Variants in CEP20 observed in about 807,000 individuals in gnomAD.
CEP20 encodes the protein FGFR1OP N-terminal like.
Under a neutral mutation model 20.0 loss-of-function variants are expected in CEP20, and 18 were observed. The observed-to-expected ratio is 0.90, with a 90% confidence interval of 0.62 to 1.34. CEP20 has a LOEUF of 1.34. Ranked by LOEUF, CEP20 falls within the 40% of genes most tolerant of loss-of-function variation. The pLI, the probability that CEP20 is intolerant of heterozygous loss-of-function variation, is 0.00. For missense variants in CEP20, 215 were observed against 201.6 expected (o/e 1.07, Z -0.40); for synonymous variants, 77 against 73.7 (o/e 1.04, Z -0.23).
At chr16:15,868,751 T>C (rs1255293939) in intron 4 of CEP20, among the ~76,000 whole-genome samples, 1 of 152,036 alleles carries the variant, frequency 6.6e-6, no homozygotes, top group East Asian at 1.9e-4. Flanking sequence ...TTTAGGTAAC[T>C]TTGCTGGACA....
chr16:15,881,506 TCA>T (rs1344706615), intron 2 of CEP20, among the ~76,000 whole-genome samples: 2 of 152,134 alleles, frequency 1.3e-5, no homozygotes, highest in African/African-American at 2.4e-5. Flanking sequence ...AATTCTAACT[TCA>T]CAAAGAATTC....
intron 3 of CEP20, among the ~76,000 whole-genome samples, chr16:15,874,629 CTTTATT>C (rs55972044): frequency 0.069 from 10,505 of 152,098 alleles, 472 homozygotes; most frequent in East Asian, 0.22. Flanking sequence ...AGGATTTAAT[CTTTATT>C]TTTAATTTTT....
At chr16:15,888,531 T>A in intron 1 of CEP20, 27 bp downstream of exon 1, 2 of 1,614,030 alleles carry the variant, frequency 1.2e-6, no homozygotes, top group South Asian at 1.1e-5. Flanking sequence ...ACGCTTCCCA[T>A]GTGGAGGCCT....
rs533688658 is a variant in CEP20 at position 15,884,195 on chromosome 16, G to A, written c.39C>T (p.Asp13=). The change falls in exon 2 of 5, where the codon GAC becomes GAT. Residue 13 remains aspartate, a synonymous_variant. Coordinates refer to ENST00000255759, the MANE Select transcript of CEP20 (RefSeq NM_144600.4). ...CTAATACCCCCTTTTTTTCCAAGGTGTCCTTTAAAACTGTTCGATATAAAA... is the reference window on the plus strand; with the variant it reads ...CTAATACCCCCTTTTTTTCCAAGGTATCCTTTAAAACTGTTCGATATAAAA... ...TVAELKAVLK[D]TLEKKGVLGH... is the part of the protein sequence containing the mutation. 1.4e-5 allele frequency: 22 copies of A among 1,610,328 alleles called. 1 individual carries two copies. The South Asian group carries it at 2.4e-4, about 18-fold the overall frequency.
intron 3 of CEP20, among the ~76,000 whole-genome samples, chr16:15,879,291 C>T (rs943075014): frequency 5.3e-5 from 8 of 151,620 alleles, no homozygotes; most frequent in African/African-American, 1.9e-4. Context: ...GAGGAGAGAT[C>T]TGAGTACATT....
intron 2 of CEP20, among the ~76,000 whole-genome samples, chr16:15,881,660 A>C (rs897183587): frequency 6.7e-6 from 1 of 150,334 alleles, no homozygotes; most frequent in African/African-American, 2.5e-5. Context: ...TGCATCCCCC[A>C]CCCCACCAAG....
intron 3 of CEP20, among the ~76,000 whole-genome samples, chr16:15,876,134 A>C (rs773556759): frequency 2.1e-4 from 32 of 151,164 alleles, no homozygotes; most frequent in Non-Finnish European, 3.4e-4. Context: ...ACTCCCTGGC[A>C]CATACATGTA....
chr16:15,886,722 AT>A (rs1441918988), intron 1 of CEP20, among the ~76,000 whole-genome samples: 1 of 152,172 alleles, frequency 6.6e-6, no homozygotes, highest in Non-Finnish European at 1.5e-5. Flanking sequence ...AAAAAGGTAA[AT>A]GCCCATAAAA....
rs948223125 is a variant in CEP20 at position 15,867,194 on chromosome 16, C to T, written c.*246G>A. On this transcript the variant is annotated 3_prime_UTR_variant, in exon 5 of 5. Transcript: ENST00000255759. ...CTGCACTCCAGTCTGGGTGACAGAG[C>T]GAGACTCCATCTCAAAAAAACAAAA... 3.2e-5 allele frequency: 10 copies of T among 308,486 alleles called. No individual in the cohort carries two copies. The highest frequency in any genetic ancestry group is 5.3e-5 in the South Asian group (1 of 18,830). 19.1% of individuals were successfully genotyped at this position (308,486 alleles called of 1,614,324 possible). A position where few individuals can be genotyped will look rare whatever the true frequency, so the allele number is the denominator to read the frequency against.
Position 15,884,109 on chromosome 16 carries a change from G to C in CEP20, c.125C>G (p.Pro42Arg). The change falls in exon 2 of 5, where the codon CCC becomes CGC. Residue 42 changes from proline to arginine, a missense_variant. Coordinates refer to ENST00000255759, the MANE Select transcript of CEP20 (RefSeq NM_144600.4). Reference protein sequence around the residue: ...VFNALDDDREPRPSLSHENLL... With the variant: ...VFNALDDDRERRPSLSHENLL... Reference sequence around the variant, plus strand: ...GTTTTCATGAGACAATGATGGTCGGGGTTCACGGTCATCATCTAGGGCATT... The same window carrying C: ...GTTTTCATGAGACAATGATGGTCGGCGTTCACGGTCATCATCTAGGGCATT... The C allele has an allele frequency of 6.2e-7, 1 of 1,614,092 alleles. No individual in the cohort carries two copies. The highest frequency in any genetic ancestry group is 8.5e-7 in the Non-Finnish European group (1 of 1,180,024).
At chr16:15,887,624 G>C (rs2045275631) in intron 1 of CEP20, among the ~76,000 whole-genome samples, 1 of 152,206 alleles carries the variant, frequency 6.6e-6, no homozygotes, top group Non-Finnish European at 1.5e-5. Flanking sequence ...GCTGAGTTGA[G>C]TAGTGCCTGA....
intron 1 of CEP20, among the ~76,000 whole-genome samples, chr16:15,885,302 T>C (rs1409950197): frequency 2.0e-5 from 3 of 150,048 alleles, no homozygotes; most frequent in Admixed American, 6.7e-5. Context: ...AGTGAGACTC[T>C]GTTTAAAACA....
intron 1 of CEP20, among the ~76,000 whole-genome samples, chr16:15,885,331 CA>C (rs755276068): frequency 1.7e-4 from 24 of 142,986 alleles, no homozygotes; most frequent in South Asian, 4.5e-4. Flanking sequence ...ACCAACCAAC[CA>C]AAAAAAAAAA....
At chr16:15,873,866 A>G (rs544029000) in intron 3 of CEP20, among the ~76,000 whole-genome samples, 1 of 151,844 alleles carries the variant, frequency 6.6e-6, no homozygotes, top group African/African-American at 2.4e-5. Context: ...TAACAACTTA[A>G]ACCTCATCTA....
chr16:15,876,875 G>A (rs1392291155), intron 3 of CEP20, among the ~76,000 whole-genome samples: 3 of 141,108 alleles, frequency 2.1e-5, no homozygotes. Flanking sequence ...TTTTGGAAAC[G>A]GAGTCTCGCT....
Position 15,873,593 on chromosome 16 carries a change from G to C in CEP20, c.346C>G (p.Arg116Gly). ...LLYGILAHFL[R>G]GTKDGIQNAF... The stretch of plus-strand genomic sequence containing the variant: ...TTCTGGATGCCATCCTTAGTTCCAC[G>C]CAAGAAATGGGCTAAAATCCCATAT... Residue 116 changes from arginine (R) to glycine (G), a missense_variant, in exon 4 of 5, where the codon CGT (arginine) becomes GGT (glycine). Arg to Gly is a moderately radical substitution (Grantham distance 125). Transcript: ENST00000255759. 6 of 1,613,794 alleles carry C rather than the reference G, an allele frequency of 3.7e-6. No individual in the cohort carries two copies. The highest frequency in any genetic ancestry group is 5.1e-6 in the Non-Finnish European group (6 of 1,179,818).
intron 4 of CEP20, among the ~76,000 whole-genome samples, chr16:15,869,192 G>A (rs1051037927): frequency 5.3e-5 from 8 of 151,872 alleles, no homozygotes; most frequent in African/African-American, 1.9e-4. Flanking sequence ...TGCACTGGCT[G>A]TCATTTCAAA....
intron 4 of CEP20, among the ~76,000 whole-genome samples, chr16:15,870,871 A>C (rs2044798252): frequency 6.6e-6 from 1 of 152,160 alleles, no homozygotes; most frequent in African/African-American, 2.4e-5. Context: ...GTTAAAAACG[A>C]GATCTACACG....
intron 4 of CEP20, among the ~76,000 whole-genome samples, chr16:15,867,977 A>G (rs2044724085): frequency 6.6e-6 from 1 of 150,548 alleles, no homozygotes; most frequent in Non-Finnish European, 1.5e-5. Context: ...CGGTCTCAAA[A>G]AAAAAAAAAA....
Sources: gnomAD v4.1 joint callset for allele counts (sites outside exome capture counted in the v4.1 genomes callset) on GRCh38, gnomAD v4.1.1 for gene constraint, MANE v1.5 for transcripts, NCBI Gene and HGNC (gene_info 2026-07-23, HGNC 2026-07-21) for gene names.